The following SAMD12 variants were observed in gnomAD, a reference collection of about 807,000 sequenced individuals.
SAMD12 encodes the protein sterile alpha motif domain-containing protein 12.
In SAMD12, 9 loss-of-function variants were observed where a neutral mutation model predicts 15.0. The ratio of observed to expected loss-of-function variants is 0.60; its 90% CI spans 0.36 to 1.05. SAMD12 has a LOEUF of 1.05. Ranked by LOEUF, SAMD12 falls within the 50% of genes least tolerant of loss-of-function variation. The probability of loss-of-function intolerance (pLI) is 0.01; values close to 1 mark genes in which losing one functional copy is unlikely to be tolerated. For missense variants in SAMD12, 230 were observed against 234.2 expected (o/e 0.98, Z 0.12); for synonymous variants, 86 against 90.1 (o/e 0.96, Z 0.25).
intron 2 of SAMD12, among the ~76,000 whole-genome samples, chr8:118,473,418 C>G (rs752675670): frequency 6.6e-6 from 1 of 152,156 alleles, no homozygotes; most frequent in African/African-American, 2.4e-5. Context: ...CTTAAAAACA[C>G]GGCACAGTCC....
intron 2 of SAMD12, among the ~76,000 whole-genome samples, chr8:118,440,742 G>A (rs1443932327): frequency 6.7e-6 from 1 of 149,298 alleles, no homozygotes; most frequent in Non-Finnish European, 1.5e-5. Flanking sequence ...AGTGAGAAAA[G>A]CTTAGCCTTT....
intron 2 of SAMD12, among the ~76,000 whole-genome samples, chr8:118,540,435 C>A (rs548909196): frequency 6.6e-6 from 1 of 152,246 alleles, no homozygotes; most frequent in South Asian, 2.1e-4. Context: ...CATATGCTTT[C>A]TTAGTGGAAG....
intron 3 of SAMD12, among the ~76,000 whole-genome samples, chr8:118,393,231 G>A (rs374779691): frequency 6.4e-5 from 1 of 15,548 alleles, no homozygotes; most frequent in Non-Finnish European, 1.6e-4. Context: ...TTCTCTTTTC[G>A]AGAGAAGGTC....
At chr8:118,524,555 C>T (rs1049569774) in intron 2 of SAMD12, among the ~76,000 whole-genome samples, 66 of 152,124 alleles carry the variant, frequency 4.3e-4, no homozygotes, top group Admixed American at 4.3e-3. Context: ...ATGCCAGTGC[C>T]AATGCCTGCC....
the SAMD12 span, among the ~76,000 whole-genome samples, chr8:118,132,626 A>C: frequency 3.3e-5 from 5 of 152,070 alleles, no homozygotes; most frequent in Non-Finnish European, 7.4e-5. Context: ...GTAAACCTGG[A>C]TGGAATCCCC....
intron 4 of SAMD12, among the ~76,000 whole-genome samples, chr8:118,237,320 G>A (rs757288195): frequency 6.6e-5 from 10 of 152,150 alleles, no homozygotes; most frequent in Non-Finnish European, 1.3e-4. Flanking sequence ...ACACTAATGA[G>A]TTACGTAGAG....
At chr8:118,313,798 A>G (rs1815747119) in intron 4 of SAMD12, among the ~76,000 whole-genome samples, 1 of 151,968 alleles carries the variant, frequency 6.6e-6, no homozygotes, top group South Asian at 2.1e-4. Flanking sequence ...TGGAAAGAAA[A>G]AACGCTGAAA....
chr8:118,588,355 C>T (rs1322588175), intron 1 of SAMD12, among the ~76,000 whole-genome samples: 1 of 152,180 alleles, frequency 6.6e-6, no homozygotes, highest in Non-Finnish European at 1.5e-5. Flanking sequence ...CAGATATCTT[C>T]TAGGACAGGG....
intron 2 of SAMD12, among the ~76,000 whole-genome samples, chr8:118,534,397 T>G (rs1238106861): frequency 6.6e-6 from 1 of 152,174 alleles, no homozygotes; most frequent in African/African-American, 2.4e-5. Context: ...ATTTCAACTT[T>G]GGTGAATCTG....
chr8:118,531,945 C>A (rs895261103), intron 2 of SAMD12, among the ~76,000 whole-genome samples: 1 of 152,154 alleles, frequency 6.6e-6, no homozygotes, highest in African/African-American at 2.4e-5. Context: ...ATTGCCCTGG[C>A]CAGAACTTCC....
chr8:118,211,028 C>T (rs907730484), intron 4 of SAMD12, among the ~76,000 whole-genome samples: 2 of 152,150 alleles, frequency 1.3e-5, no homozygotes, highest in Non-Finnish European at 2.9e-5. Context: ...GAGAGATTCG[C>T]ACACAGAAAA....
intron 1 of SAMD12, among the ~76,000 whole-genome samples, chr8:118,597,202 C>A (rs1827745943): frequency 6.6e-6 from 1 of 152,298 alleles, no homozygotes; most frequent in East Asian, 1.9e-4. Flanking sequence ...CCAACGGGGG[C>A]TCCTTAGGGC....
intron 1 of SAMD12, among the ~76,000 whole-genome samples, chr8:118,581,420 G>A (rs564606697): frequency 6.6e-6 from 1 of 152,150 alleles, no homozygotes; most frequent in South Asian, 2.1e-4. Flanking sequence ...ACATATGACA[G>A]ATGTTACCTT....
intron 2 of SAMD12, among the ~76,000 whole-genome samples, chr8:118,514,734 A>C (rs1200629305): frequency 6.6e-6 from 1 of 152,238 alleles, no homozygotes; most frequent in Non-Finnish European, 1.5e-5. Context: ...ACAAAGATTA[A>C]GACCAGCTTG....
the SAMD12 span, among the ~76,000 whole-genome samples, chr8:118,163,541 C>G: frequency 1.4e-4 from 21 of 152,260 alleles, no homozygotes; most frequent in African/African-American, 2.6e-4. Flanking sequence ...CATACCCATG[C>G]CTTTGGAGAG....
intron 2 of SAMD12, among the ~76,000 whole-genome samples, chr8:118,577,415 C>T (rs1827180827): frequency 6.6e-6 from 1 of 152,164 alleles, no homozygotes; most frequent in Non-Finnish European, 1.5e-5. Context: ...GCACATGCTA[C>T]AATCCTCCCC....
chr8:118,503,219 A>G (rs1452729651), intron 2 of SAMD12, among the ~76,000 whole-genome samples: 1 of 152,240 alleles, frequency 6.6e-6, no homozygotes, highest in East Asian at 1.9e-4. Context: ...TGCCGTCTGT[A>G]GGGCTTTCTT....
the SAMD12 span, among the ~76,000 whole-genome samples, chr8:118,139,019 C>A: frequency 6.6e-6 from 1 of 152,090 alleles, no homozygotes; most frequent in African/African-American, 2.4e-5. Context: ...GCCAAGGAGA[C>A]TGAGAATATA....
chr8:118,441,344 A>T (rs1365684955), intron 2 of SAMD12, among the ~76,000 whole-genome samples: 1 of 152,092 alleles, frequency 6.6e-6, no homozygotes, highest in Non-Finnish European at 1.5e-5. Flanking sequence ...CCTTGGGCCA[A>T]TTTTTAATAA....
Sources: gnomAD v4.1 joint callset for allele counts (sites outside exome capture counted in the v4.1 genomes callset) on GRCh38, gnomAD v4.1.1 for gene constraint, MANE v1.5 for transcripts, NCBI Gene and HGNC (gene_info 2026-07-23, HGNC 2026-07-21) for gene names.